Variants in GRIN2B observed in about 807,000 individuals in gnomAD.
GRIN2B encodes glutamate ionotropic receptor NMDA type subunit 2B, also known as glutamate receptor ionotropic, NMDA 2B.
In GRIN2B, 5 loss-of-function variants were observed where a neutral mutation model predicts 114.5. The observed-to-expected ratio is 0.04, with a 90% CI of 0.02 to 0.09. GRIN2B has a LOEUF of 0.09. GRIN2B is among the 10% of genes least tolerant of loss of function. The pLI, the probability that GRIN2B is intolerant of heterozygous loss-of-function variation, is 1.00. For missense variants in GRIN2B, 1,108 were observed against 1,943.5 expected (o/e 0.57, Z 8.08); for synonymous variants, 787 against 745.1 (o/e 1.06, Z -0.92).
rs182547795 is a variant in GRIN2B at position 13,639,296 on chromosome 12, G to A, written c.1126-22639C>T. On this transcript the variant is annotated intron_variant, in intron 5 of 13. Coordinates refer to ENST00000609686, the MANE Select transcript of GRIN2B (RefSeq NM_000834.5). ...GCAGCAGACCCTAGTGCCAGATAGC[G>A]CTTGGATGGGTCATAAAAATACAAA... Among the ~76,000 whole-genome samples the A allele has an allele frequency of 1.1e-4, 17 of 152,210 alleles. No individual in the cohort carries two copies. In the East Asian group the frequency reaches 2.1e-3, roughly 19 times the overall value.
At chr12:13,786,675 G>GA (rs3216541) in intron 3 of GRIN2B, among the ~76,000 whole-genome samples, 24 of 132,932 alleles carry the variant, frequency 1.8e-4, no homozygotes, top group Admixed American at 1.5e-3. Flanking sequence ...GGGCTGAGGG[G>GA]AAAAAAAAAA....
chr12:13,864,574 A>G (rs1187491857), intron 3 of GRIN2B, among the ~76,000 whole-genome samples: 1 of 152,244 alleles, frequency 6.6e-6, no homozygotes, highest in Non-Finnish European at 1.5e-5. Context: ...AGGACAGTGC[A>G]TATGTACTAA....
intron 5 of GRIN2B, among the ~76,000 whole-genome samples, chr12:13,628,635 T>C (rs979618096): frequency 5.9e-5 from 9 of 152,212 alleles, no homozygotes; most frequent in African/African-American, 1.9e-4. Context: ...AGCTAGAACA[T>C]GTAGCTGGAC....
chr12:13,898,608 GT>G (rs1451969876), intron 2 of GRIN2B, among the ~76,000 whole-genome samples: 2 of 152,148 alleles, frequency 1.3e-5, no homozygotes, highest in Admixed American at 1.3e-4. Flanking sequence ...ACATTCTCTA[GT>G]GCAAAAAATG....
chr12:13,842,001 G>T (rs1394542760), intron 3 of GRIN2B, among the ~76,000 whole-genome samples: 5 of 152,180 alleles, frequency 3.3e-5, no homozygotes, highest in Non-Finnish European at 7.4e-5. Flanking sequence ...TGAGAAATCA[G>T]AAACCTCTCC....
At chr12:13,909,234 A>G (rs1006872461) in intron 2 of GRIN2B, among the ~76,000 whole-genome samples, 29 of 152,230 alleles carry the variant, frequency 1.9e-4, no homozygotes, top group Non-Finnish European at 2.8e-4. Flanking sequence ...TTACATGTAT[A>G]GAAGATCATA....
At chr12:13,625,926 G>T (rs962670156) in intron 5 of GRIN2B, among the ~76,000 whole-genome samples, 2 of 152,168 alleles carry the variant, frequency 1.3e-5, no homozygotes, top group African/African-American at 4.8e-5. Context: ...TTAGGTCAGA[G>T]AATTTTGTAA....
intron 4 of GRIN2B, among the ~76,000 whole-genome samples, chr12:13,704,758 A>G (rs1026846160): frequency 1.1e-4 from 16 of 152,182 alleles, no homozygotes; most frequent in African/African-American, 3.6e-4. Flanking sequence ...GAGCTAAACG[A>G]ATTAATACAG....
intron 5 of GRIN2B, among the ~76,000 whole-genome samples, chr12:13,647,219 A>G (rs78212508): frequency 5.9e-5 from 9 of 152,222 alleles, no homozygotes; most frequent in African/African-American, 2.2e-4. Flanking sequence ...CACTGGGTTG[A>G]TGGAAATTTA....
intron 5 of GRIN2B, among the ~76,000 whole-genome samples, chr12:13,623,760 T>A (rs1464184601): frequency 6.6e-6 from 1 of 152,226 alleles, no homozygotes; most frequent in Non-Finnish European, 1.5e-5. Context: ...TCTTTTTTTC[T>A]GTGCACAAAA....
intron 3 of GRIN2B, among the ~76,000 whole-genome samples, chr12:13,792,740 G>A (rs537208874): frequency 6.8e-6 from 1 of 147,598 alleles, no homozygotes; most frequent in Non-Finnish European, 1.5e-5. Flanking sequence ...CAGCAGCCAT[G>A]CCTAACACAT....
chr12:13,752,838 G>A (rs1225162218), intron 4 of GRIN2B, among the ~76,000 whole-genome samples: 6 of 152,152 alleles, frequency 3.9e-5, no homozygotes, highest in African/African-American at 1.4e-4. Flanking sequence ...ACTACAATAC[G>A]GCAACATTCC....
chr12:13,909,271 T>A (rs9971865), intron 2 of GRIN2B, among the ~76,000 whole-genome samples: 1 of 152,068 alleles, frequency 6.6e-6, no homozygotes, highest in Non-Finnish European at 1.5e-5. Flanking sequence ...GTTGTGAGAA[T>A]AACCGCAGCA....
At chr12:13,806,583 C>T (rs1026108422) in intron 3 of GRIN2B, among the ~76,000 whole-genome samples, 1 of 151,890 alleles carries the variant, frequency 6.6e-6, no homozygotes, top group South Asian at 2.1e-4. Context: ...AGTTTTCTTG[C>T]TATTGAGTTT....
At chr12:13,733,132 T>C (rs528011890) in intron 4 of GRIN2B, among the ~76,000 whole-genome samples, 17 of 152,168 alleles carry the variant, frequency 1.1e-4, no homozygotes, top group Non-Finnish European at 1.9e-4. Context: ...GAATTTCTGG[T>C]ACGTGCAACA....
chr12:13,600,774 C>T lies in GRIN2B; in HGVS notation c.2010+7829G>A, dbSNP rs190337304. Among the ~76,000 whole-genome samples, 5 of 152,190 alleles carry T rather than the reference C, an allele frequency of 3.3e-5. No homozygotes were observed. The East Asian group carries it at 9.6e-4, about 29-fold the overall frequency. On this transcript the variant is annotated intron_variant, in intron 10 of 13. Coordinates refer to ENST00000609686, the MANE Select transcript of GRIN2B (RefSeq NM_000834.5). ...GATAAGGACATCACTACTAAAAGGC[C>T]TCGTAGAAGGTAGTGGGGAAGTGTG...
rs1301176513 is a variant in GRIN2B at position 13,539,561 on chromosome 12, A to T, written c.*23222T>A. On this transcript the variant is annotated 3_prime_UTR_variant, in exon 14 of 14. Coordinates refer to ENST00000609686, the MANE Select transcript of GRIN2B (RefSeq NM_000834.5). ...ACTGGGAGTGGGGTGGGAAACAATC[A>T]GCAAAACAAGGGCTGGTTTGCTTTT... The T allele has an allele frequency of 6.6e-6, 1 of 152,220 alleles. No homozygotes were observed. Among genetic ancestry groups the T allele is most frequent in the Non-Finnish European group, 1.5e-5 (1 of 68,048 alleles). 9.4% of individuals were successfully genotyped at this position (152,220 alleles called of 1,614,324 possible).
intron 4 of GRIN2B, among the ~76,000 whole-genome samples, chr12:13,743,102 T>G (rs1863313704): frequency 6.6e-6 from 1 of 152,198 alleles, no homozygotes; most frequent in Admixed American, 6.5e-5. Flanking sequence ...ACTGGGTTAC[T>G]GGGACTCCAC....
chr12:13,799,662 G>C (rs919052718), intron 3 of GRIN2B, among the ~76,000 whole-genome samples: 2 of 151,888 alleles, frequency 1.3e-5, no homozygotes, highest in Non-Finnish European at 2.9e-5. Context: ...AAAATCCTCC[G>C]GGCAGCTGCA....
Sources: gnomAD v4.1 joint callset for allele counts (sites outside exome capture counted in the v4.1 genomes callset) on GRCh38, gnomAD v4.1.1 for gene constraint, MANE v1.5 for transcripts, NCBI Gene and HGNC (gene_info 2026-07-23, HGNC 2026-07-21) for gene names.